The following TJP1 variants were observed in gnomAD, a reference collection of about 807,000 sequenced individuals.
The protein encoded by TJP1 is tight junction protein ZO-1.
TJP1 carries 43 observed loss-of-function variants against 194.2 expected under a neutral mutation model. The observed-to-expected ratio is 0.22, with a 90% confidence interval of 0.17 to 0.29. The LOEUF (loss-of-function observed/expected upper bound fraction) is 0.29, where lower values mean the gene tolerates loss of function less well. TJP1 is among the 10% of genes least tolerant of loss of function. The pLI is 1.00. For missense variants in TJP1, 1,971 were observed against 2,185.7 expected, an observed-to-expected ratio of 0.90 and a Z score of 1.96; for synonymous variants, 801 against 779.0, an observed-to-expected ratio of 1.03 and a Z score of -0.47.
At chr15:29,782,009 T>C (rs1281255672) in intron 2 of TJP1, among the ~76,000 whole-genome samples, 1 of 152,152 alleles carries the variant, frequency 6.6e-6, no homozygotes, top group Admixed American at 6.5e-5. Context: ...GGCATCCGAA[T>C]AGGAAGAGAG....
chr15:29,832,907 T>G (rs1434980407), intron 2 of TJP1, among the ~76,000 whole-genome samples: 1 of 152,200 alleles, frequency 6.6e-6, no homozygotes, highest in Non-Finnish European at 1.5e-5. Context: ...GGCCAGTGTG[T>G]GGAGAGAACA....
At chr15:29,916,088 T>C (rs2054174852) in intron 2 of TJP1, among the ~76,000 whole-genome samples, 1 of 151,798 alleles carries the variant, frequency 6.6e-6, no homozygotes, top group South Asian at 2.1e-4. Context: ...CTACAAAAAA[T>C]ACAAAAATTA....
At chr15:29,727,901 T>C (rs2043342243) in intron 16 of TJP1, 36 bp downstream of exon 16, 3 of 1,580,226 alleles carry the variant, frequency 1.9e-6, no homozygotes, top group East Asian at 2.2e-5. Flanking sequence ...AAAACCACAA[T>C]AACATAATGA....
chr15:29,887,300 A>G (rs187961114), intron 2 of TJP1, among the ~76,000 whole-genome samples: 175 of 148,336 alleles, frequency 1.2e-3, no homozygotes, highest in African/African-American at 4.1e-3. Flanking sequence ...ATATACATAT[A>G]TATGTATATA....
chr15:29,840,670 G>A (rs565915739), intron 2 of TJP1, among the ~76,000 whole-genome samples: 1 of 152,262 alleles, frequency 6.6e-6, no homozygotes, highest in African/African-American at 2.4e-5. Flanking sequence ...TGTGGCCAAA[G>A]GGGGTCTAGG....
At chr15:29,929,169 A>G (rs1317087277) in intron 2 of TJP1, among the ~76,000 whole-genome samples, 3 of 148,208 alleles carry the variant, frequency 2.0e-5, no homozygotes, top group African/African-American at 7.6e-5. Flanking sequence ...TAAACCCAAT[A>G]AAATCAGAAA....
chr15:29,712,832 G>A (rs1178575993), intron 23 of TJP1, among the ~76,000 whole-genome samples: 1 of 151,604 alleles, frequency 6.6e-6, no homozygotes, highest in Non-Finnish European at 1.5e-5. Flanking sequence ...AAAAAGGCTG[G>A]GCAAAGAAAT....
At chr15:29,963,745 C>T (rs915057460) in intron 1 of TJP1, among the ~76,000 whole-genome samples, 1 of 152,166 alleles carries the variant, frequency 6.6e-6, no homozygotes, top group African/African-American at 2.4e-5. Flanking sequence ...CCTCCACCTC[C>T]TGGGTTCAAG....
chr15:29,701,703 G>A lies in TJP1; in HGVS notation c.5213-14C>T, dbSNP rs1053355400. ...TTTTAGGATCACCTATGAGAGAAAA[G>A]AAGTTGATGTCATTTACAGTTCAGT... On this transcript the variant is annotated splice_polypyrimidine_tract_variant and intron_variant, in intron 27 of 27. Transcript: ENST00000614355. 4.4e-6 allele frequency: 7 copies of A among 1,598,530 alleles called. No homozygotes were observed. The highest frequency in any genetic ancestry group is 6.0e-6 in the Non-Finnish European group (7 of 1,166,004).
At chr15:29,961,364 C>T (rs554643750) in intron 1 of TJP1, among the ~76,000 whole-genome samples, 1 of 89,574 alleles carries the variant, frequency 1.1e-5, no homozygotes. Context: ...TTTTTTGAGA[C>T]GGAGTCTCGC....
intron 2 of TJP1, among the ~76,000 whole-genome samples, chr15:29,955,463 G>A (rs2055898430): frequency 6.6e-6 from 1 of 151,928 alleles, no homozygotes; most frequent in Admixed American, 6.6e-5. Flanking sequence ...ATTTCCATAT[G>A]AGAAATAAGA....
chr15:29,948,645 A>C (rs1056662624), intron 2 of TJP1, among the ~76,000 whole-genome samples: 107 of 152,136 alleles, frequency 7.0e-4, no homozygotes, highest in Middle Eastern at 3.2e-3. Flanking sequence ...GCACAAGCCT[A>C]CCGAGGAAGC....
At chr15:29,742,590 A>G (rs1259434599) in intron 9 of TJP1, 52 bp downstream of exon 9, 2 of 1,472,510 alleles carry the variant, frequency 1.4e-6, no homozygotes, top group African/African-American at 2.9e-5. Flanking sequence ...CCTAACAATT[A>G]CTTCACTCTA....
chr15:29,734,142 ACTTT>A (rs1267270408), intron 12 of TJP1, 128 bp downstream of exon 12: 10 of 612,076 alleles, frequency 1.6e-5, no homozygotes, highest in East Asian at 5.9e-5. Flanking sequence ...GAATTACATA[ACTTT>A]CTTTGAGATT....
At chr15:29,809,262 A>G (rs1247530311) in intron 1 of TJP1, among the ~76,000 whole-genome samples, 2 of 152,210 alleles carry the variant, frequency 1.3e-5, no homozygotes, top group African/African-American at 2.4e-5. Flanking sequence ...ATTTTACCTT[A>G]AAGTTTTGGT....
intron 2 of TJP1, among the ~76,000 whole-genome samples, chr15:29,931,483 C>T (rs1013728824): frequency 1.4e-4 from 21 of 152,248 alleles, no homozygotes; most frequent in East Asian, 5.8e-4. Flanking sequence ...TCACATATAA[C>T]GAGTCCAAAT....
chr15:29,878,189 A>G (rs1470550073), intron 2 of TJP1, among the ~76,000 whole-genome samples: 2 of 151,972 alleles, frequency 1.3e-5, no homozygotes, highest in African/African-American at 4.8e-5. Context: ...AGCTGGGACT[A>G]CAGGCGCCCG....
chr15:29,774,639 T>A (rs2046902941), intron 2 of TJP1, among the ~76,000 whole-genome samples: 1 of 152,008 alleles, frequency 6.6e-6, no homozygotes, highest in Non-Finnish European at 1.5e-5. Context: ...AGGTGTTTTT[T>A]TTTTCCCCAG....
At chr15:29,864,834 C>T (rs1009927508) in intron 2 of TJP1, among the ~76,000 whole-genome samples, 9 of 152,142 alleles carry the variant, frequency 5.9e-5, no homozygotes, top group African/African-American at 1.9e-4. Flanking sequence ...TGGCCTTACT[C>T]AGTACTGAGG....
Sources: gnomAD v4.1 joint callset for allele counts (sites outside exome capture counted in the v4.1 genomes callset) on GRCh38, gnomAD v4.1.1 for gene constraint, MANE v1.5 for transcripts, NCBI Gene and HGNC (gene_info 2026-07-23, HGNC 2026-07-21) for gene names.